FGF13: variants seen among roughly 807,000 people sequenced by gnomAD.
FGF13 encodes fibroblast growth factor homologous factor 2.
In FGF13, 2 loss-of-function variants were observed where a neutral mutation model predicts 19.5. The observed-to-expected ratio is 0.10, with a 90% CI of 0.04 to 0.32. The LOEUF (loss-of-function observed/expected upper bound fraction) is 0.32, where lower values mean the gene tolerates loss of function less well. Among genes scored for constraint, FGF13 ranks in the 10% least tolerant of loss-of-function variants. FGF13 has a pLI of 1.00. For missense variants in FGF13, 113 were observed against 192.7 expected (o/e 0.59, Z 2.45); for synonymous variants, 72 against 76.9 (o/e 0.94, Z 0.33).
At chrX:138,687,287 C>T (rs1412158034) in intron 3 of FGF13, among the ~76,000 whole-genome samples, 3 of 111,272 alleles carry the variant, frequency 2.7e-5, no homozygotes, top group African/African-American at 9.8e-5. Context: ...ATGAACACAA[C>T]TCAATAGCAA....
chrX:138,915,566 T>A (rs1195392008), intron 1 of FGF13, among the ~76,000 whole-genome samples: 1 of 111,756 alleles, frequency 8.9e-6, no homozygotes, highest in East Asian at 2.8e-4. Flanking sequence ...GGGGTGTTAT[T>A]TATTGATCCA....
chrX:138,924,228 T>G (rs751820202), intron 1 of FGF13, among the ~76,000 whole-genome samples: 1 of 112,032 alleles, frequency 8.9e-6, no homozygotes, highest in Admixed American at 9.5e-5. Context: ...TGCCAGGATC[T>G]TATGGTTTGA....
At chrX:138,922,414 C>T (rs758645333) in intron 1 of FGF13, among the ~76,000 whole-genome samples, 4 of 111,588 alleles carry the variant, frequency 3.6e-5, no homozygotes, top group South Asian at 3.8e-4. Context: ...GGGCTCTGCA[C>T]GCCTCAATCT....
intron 1 of FGF13, among the ~76,000 whole-genome samples, chrX:138,736,950 C>T (rs762084390): frequency 2.7e-5 from 3 of 110,946 alleles, no homozygotes; most frequent in Non-Finnish European, 5.7e-5. Flanking sequence ...AGGACAAAAA[C>T]ATTTAGAGAA....
chrX:139,169,716 T>C (rs1317324743), intron 1 of FGF13, among the ~76,000 whole-genome samples: 2 of 111,123 alleles, frequency 1.8e-5, no homozygotes, highest in African/African-American at 6.6e-5. Flanking sequence ...AACTACAATG[T>C]CCCTAGGTAT....
At chrX:139,026,552 G>A (rs2092201726) in intron 1 of FGF13, among the ~76,000 whole-genome samples, 1 of 111,924 alleles carries the variant, frequency 8.9e-6, no homozygotes, top group African/African-American at 3.2e-5. Context: ...CTGGTGTAGT[G>A]ACATCAAGGC....
intron 3 of FGF13, among the ~76,000 whole-genome samples, chrX:138,842,174 G>A (rs2091153748): frequency 8.9e-6 from 1 of 111,785 alleles, no homozygotes; most frequent in Admixed American, 9.5e-5. Flanking sequence ...TTGAGCCTGA[G>A]CCCATGATAT....
intron 3 of FGF13, among the ~76,000 whole-genome samples, chrX:138,792,727 A>G (rs193275353): frequency 4.7e-4 from 52 of 111,303 alleles, no homozygotes; most frequent in African/African-American, 1.7e-3. Flanking sequence ...AAAAAGTAGG[A>G]ATGGAAGGCA....
intron 1 of FGF13, among the ~76,000 whole-genome samples, chrX:139,003,955 T>C (rs1347230940): frequency 1.8e-5 from 2 of 112,645 alleles, no homozygotes; most frequent in African/African-American, 6.5e-5. Flanking sequence ...GGAGCCCAGG[T>C]GGCTTCACCG....
At chrX:138,637,863 G>C (rs1184052585) in intron 3 of FGF13, among the ~76,000 whole-genome samples, 2 of 111,798 alleles carry the variant, frequency 1.8e-5, no homozygotes, top group Admixed American at 1.9e-4. Flanking sequence ...TTTTAGCCGA[G>C]CTTTTCAATA....
intron 1 of FGF13, among the ~76,000 whole-genome samples, chrX:139,001,534 T>G (rs1476773237): frequency 9.1e-6 from 1 of 109,974 alleles, no homozygotes; most frequent in Non-Finnish European, 1.9e-5. Context: ...GTGAAGGATA[T>G]GAACAGACTC....
chrX:138,892,002 A>ATGTG (rs3077315), intron 1 of FGF13, among the ~76,000 whole-genome samples: 5,298 of 90,235 alleles, frequency 0.059, 130 homozygotes, highest in African/African-American at 0.1. Context: ...ATATATACAT[A>ATGTG]TGTGTGTGTG....
intron 1 of FGF13, among the ~76,000 whole-genome samples, chrX:139,015,589 G>A (rs774958349): frequency 9.0e-6 from 1 of 111,421 alleles, no homozygotes; most frequent in South Asian, 3.7e-4. Flanking sequence ...GATATTCCAT[G>A]TACATGGATT....
chrX:138,770,683 T>C (rs2090538824), intron 3 of FGF13, among the ~76,000 whole-genome samples: 1 of 111,887 alleles, frequency 8.9e-6, no homozygotes, highest in Non-Finnish European at 1.9e-5. Context: ...CCATGCCCCA[T>C]CCATCTCTGC....
At chrX:138,988,716 T>C (rs377742232) in intron 1 of FGF13, among the ~76,000 whole-genome samples, 6 of 111,924 alleles carry the variant, frequency 5.4e-5, no homozygotes, top group African/African-American at 2.0e-4. Flanking sequence ...GGACAGTCAA[T>C]CTACCTAGCT....
intron 1 of FGF13, among the ~76,000 whole-genome samples, chrX:138,981,742 G>C (rs2091964530): frequency 9.0e-6 from 1 of 110,754 alleles, no homozygotes; most frequent in Non-Finnish European, 1.9e-5. Flanking sequence ...TTTAATTCTA[G>C]ACTTGGTGGC....
rs776852445 is a variant in FGF13 at position 139,040,752 on chromosome X, G to A, written c.-113+162664C>T. Among the ~76,000 whole-genome samples, 14 of 110,689 alleles carry A rather than the reference G, an allele frequency of 1.3e-4. No individual in the cohort carries two copies. The East Asian group carries it at 2.0e-3, about 16-fold the overall frequency. On this transcript the variant is annotated intron_variant, in intron 1 of 2. Coordinates refer to the FGF13 transcript ENST00000421460. ...TCCTATTATAAAGATGCATGCACACGTATGTATGTTCATTGAAGCACCATT... is the reference window on the plus strand; with the variant it reads ...TCCTATTATAAAGATGCATGCACACATATGTATGTTCATTGAAGCACCATT...
intron 1 of FGF13, among the ~76,000 whole-genome samples, chrX:139,015,293 G>C (rs758526517): frequency 9.0e-6 from 1 of 110,704 alleles, no homozygotes; most frequent in Non-Finnish European, 1.9e-5. Context: ...TTTTCAGATG[G>C]TATAATCTTA....
chrX:139,175,397 T>C (rs1362324120), intron 1 of FGF13, among the ~76,000 whole-genome samples: 2 of 112,200 alleles, frequency 1.8e-5, no homozygotes, highest in African/African-American at 6.5e-5. Flanking sequence ...CTTTATTTCT[T>C]TTTCTTGCCT....
Sources: gnomAD v4.1 joint callset for allele counts (sites outside exome capture counted in the v4.1 genomes callset) on GRCh38, gnomAD v4.1.1 for gene constraint, MANE v1.5 for transcripts, NCBI Gene and HGNC (gene_info 2026-07-23, HGNC 2026-07-21) for gene names.